Variants in FANCL observed in about 807,000 individuals in gnomAD.
The protein encoded by FANCL is FA complementation group L, also known as E3 ubiquitin-protein ligase FANCL.
FANCL carries 69 observed loss-of-function variants against 59.4 expected under a neutral mutation model. That is an observed-to-expected ratio of 1.16 (90% CI 0.96 to 1.42). FANCL has a LOEUF of 1.42. FANCL is among the 40% of genes most tolerant of loss of function. The pLI is 0.00. For synonymous variants in FANCL, 180 were observed against 147.1 expected, an observed-to-expected ratio of 1.22 and a Z score of -1.62; for missense variants, 519 against 447.2, an observed-to-expected ratio of 1.16 and a Z score of -1.45.
At chr2:58,181,139 G>A (rs193143949) in intron 7 of FANCL, among the ~76,000 whole-genome samples, 3 of 151,958 alleles carry the variant, frequency 2.0e-5, no homozygotes, top group Admixed American at 6.6e-5. Context: ...CCAAAAACTG[G>A]TAACAGTCCA....
chr2:58,178,451 C>T (rs1200487998), intron 7 of FANCL, among the ~76,000 whole-genome samples: 1 of 152,112 alleles, frequency 6.6e-6, no homozygotes, highest in Non-Finnish European at 1.5e-5. Context: ...AAACGTAACC[C>T]ATCACACAAA....
chr2:58,187,610 A>C (rs973785052), intron 7 of FANCL, among the ~76,000 whole-genome samples: 1 of 152,184 alleles, frequency 6.6e-6, no homozygotes, highest in Non-Finnish European at 1.5e-5. Context: ...GTTGGAAGCA[A>C]GAATTACCTG....
rs750850383 is a variant in FANCL at position 58,231,795 on chromosome 2, T to A, written c.155+259A>T. On this transcript the variant is annotated intron_variant, in intron 2 of 13. Transcript: ENST00000233741. ...TATATACCTGTTCAGTATTTGTTAG[T>A]GAAGTGTACACAATGGCTGTTTACT... is the stretch of plus-strand genomic sequence containing the variant. Among the ~76,000 whole-genome samples, 16 of 152,210 alleles carry A rather than the reference T, an allele frequency of 1.1e-4. 1 individual carries two copies. The highest frequency in any genetic ancestry group is 2.2e-4 in the Non-Finnish European group (15 of 68,028).
chr2:58,180,616 T>C (rs564385897), intron 7 of FANCL, among the ~76,000 whole-genome samples: 1 of 151,596 alleles, frequency 6.6e-6, no homozygotes. Flanking sequence ...AGATGTCGGG[T>C]TGATGGGTGC....
chr2:58,161,669 A>C, intron 11 of FANCL, 31 bp from the exon 12 acceptor site: 1 of 1,407,636 alleles, frequency 7.1e-7, no homozygotes, highest in African/African-American at 1.4e-5. Flanking sequence ...TAAAAAGCGT[A>C]TGTGTCTCAC....
At chr2:58,185,580 CT>C (rs1405682174) in intron 7 of FANCL, among the ~76,000 whole-genome samples, 3 of 152,144 alleles carry the variant, frequency 2.0e-5, no homozygotes, top group African/African-American at 7.2e-5. Context: ...CCATCAGTTG[CT>C]TTTGGCAATG....
At chr2:58,185,169 TA>T (rs951872855) in intron 7 of FANCL, among the ~76,000 whole-genome samples, 1 of 150,362 alleles carries the variant, frequency 6.7e-6, no homozygotes, top group Non-Finnish European at 1.5e-5. Flanking sequence ...GTCAGAAGAA[TA>T]AAAAAAAAGA....
chr2:58,235,880 G>T (rs1464570632), intron 1 of FANCL, among the ~76,000 whole-genome samples: 2 of 151,730 alleles, frequency 1.3e-5, no homozygotes, highest in Non-Finnish European at 1.5e-5. Context: ...ATCAACAGCA[G>T]ATTCCACCTT....
chr2:58,232,218 A>G (rs1693651687), intron 1 of FANCL, 106 bp from the exon 2 acceptor site: 3 of 926,726 alleles, frequency 3.2e-6, no homozygotes, highest in Non-Finnish European at 5.2e-6. Context: ...TTATTTTCTA[A>G]AAGGTATCAA....
rs560205327 is a variant in FANCL at position 58,165,861 on chromosome 2, C to G, written c.554G>C (p.Ser185Thr). The G allele has an allele frequency of 6.8e-6, 11 of 1,613,848 alleles. No homozygotes were observed. The African/African-American group carries it at 1.1e-4, about 16-fold the overall frequency. The change falls in exon 8 of 14, where the codon AGC becomes ACC. Residue 185 changes from serine (S) to threonine (T), a missense_variant. Physicochemically the swap from Ser to Thr is moderately conservative, Grantham distance 58. Coordinates refer to ENST00000233741, the MANE Select transcript of FANCL (RefSeq NM_018062.4). The stretch of plus-strand genomic sequence containing the variant: ...TGCTGCCAAAAACTGACTATAAATG[C>G]TTATTAAGGAGCTCTGTGAAAAAAA... ...ASWTPQSSLI[S>T]IYSQFLAAIE...
intron 1 of FANCL, among the ~76,000 whole-genome samples, chr2:58,236,023 C>T (rs570718666): frequency 7.4e-5 from 11 of 149,480 alleles, no homozygotes; most frequent in Middle Eastern, 3.5e-3. Flanking sequence ...TTTGGAGTGC[C>T]CAACACAGAG....
chr2:58,187,346 G>A (rs778023041), intron 7 of FANCL, among the ~76,000 whole-genome samples: 163 of 144,698 alleles, frequency 1.1e-3, no homozygotes, highest in Non-Finnish European at 1.6e-3. Flanking sequence ...GTTCTCACTC[G>A]TAGGTGAGAA....
chr2:58,182,711 T>A (rs1341122194), intron 7 of FANCL, among the ~76,000 whole-genome samples: 1 of 151,752 alleles, frequency 6.6e-6, no homozygotes, highest in Non-Finnish European at 1.5e-5. Context: ...TTATACAAAA[T>A]TAAGTAAACA....
intron 7 of FANCL, among the ~76,000 whole-genome samples, chr2:58,172,619 C>T (rs1054133210): frequency 6.6e-6 from 1 of 152,196 alleles, no homozygotes; most frequent in Non-Finnish European, 1.5e-5. Flanking sequence ...AAGACATCCA[C>T]ACCAAAAACC....
chr2:58,160,274 T>A, intron 12 of FANCL, 95 bp from the exon 13 acceptor site: 1 of 1,282,244 alleles, frequency 7.8e-7, no homozygotes, highest in South Asian at 1.2e-5. Flanking sequence ...TGCATTATGT[T>A]TTTATTCCAG....
At chr2:58,173,561 A>G (rs1297621163) in intron 7 of FANCL, among the ~76,000 whole-genome samples, 2 of 152,158 alleles carry the variant, frequency 1.3e-5, no homozygotes, top group African/African-American at 4.8e-5. Context: ...AGGAGAAATA[A>G]AATCCTTTAC....
At chr2:58,217,487 C>A (rs1166047609) in intron 5 of FANCL, among the ~76,000 whole-genome samples, 1 of 151,194 alleles carries the variant, frequency 6.6e-6, no homozygotes, top group African/African-American at 2.4e-5. Context: ...GCATTAAAAT[C>A]TGTTTTAAAA....
intron 11 of FANCL, 30 bp downstream of exon 11, chr2:58,162,836 C>T (rs992476147): frequency 6.4e-7 from 1 of 1,573,772 alleles, no homozygotes; most frequent in African/African-American, 1.3e-5. Context: ...GCAATACTGT[C>T]TGGAATATCA....
chr2:58,212,751 C>A (rs1691309359), intron 5 of FANCL, among the ~76,000 whole-genome samples: 2 of 151,876 alleles, frequency 1.3e-5, no homozygotes, highest in Admixed American at 6.6e-5. Flanking sequence ...GCCAGTGTTA[C>A]ACCCAAAATA....
Sources: gnomAD v4.1 joint callset for allele counts (sites outside exome capture counted in the v4.1 genomes callset) on GRCh38, gnomAD v4.1.1 for gene constraint, MANE v1.5 for transcripts, NCBI Gene and HGNC (gene_info 2026-07-23, HGNC 2026-07-21) for gene names.